Variants in SMYD3 observed in about 807,000 individuals in gnomAD.
SMYD3 encodes the protein histone-lysine N-methyltransferase SMYD3.
SMYD3 carries 36 observed loss-of-function variants against 57.7 expected under a neutral mutation model. The observed-to-expected ratio is 0.62, with a 90% CI of 0.48 to 0.82. The LOEUF is 0.82. Among genes scored for constraint, SMYD3 ranks in the 40% least tolerant of loss-of-function variants. The pLI, the probability that SMYD3 is intolerant of heterozygous loss-of-function variation, is 0.00. For synonymous variants in SMYD3, 211 were observed against 195.0 expected (o/e 1.08, Z -0.68); for missense variants, 515 against 538.8 (o/e 0.96, Z 0.44).
At chr1:246,478,431 A>G (rs1349766061) in intron 1 of SMYD3, among the ~76,000 whole-genome samples, 45 of 131,402 alleles carry the variant, frequency 3.4e-4, no homozygotes, top group Middle Eastern at 5.0e-3. Flanking sequence ...GAGCTGGTAC[A>G]TAAGTGCTCA....
chr1:246,260,166 A>C (rs2063978307), intron 5 of SMYD3, among the ~76,000 whole-genome samples: 1 of 152,180 alleles, frequency 6.6e-6, no homozygotes. Flanking sequence ...TTGTGCTCCA[A>C]ATGCCTGCAG....
chr1:246,268,908 A>G (rs2064163305), intron 5 of SMYD3, among the ~76,000 whole-genome samples: 2 of 152,144 alleles, frequency 1.3e-5, no homozygotes. Context: ...GGGTCCTGCA[A>G]CACTATCACT....
At chr1:246,487,154 T>C (rs1266695266) in intron 1 of SMYD3, among the ~76,000 whole-genome samples, 1 of 152,138 alleles carries the variant, frequency 6.6e-6, no homozygotes, top group African/African-American at 2.4e-5. Flanking sequence ...CTGGTTCAAA[T>C]AGTTGAAATA....
intron 5 of SMYD3, chr1:246,186,699 A>G (rs2062647279): frequency 1.0e-6 from 1 of 963,552 alleles, no homozygotes. Context: ...GGCACTGTCA[A>G]TGTCCACAGC....
At chr1:246,459,444 CCCCTTCA>C (rs989903934) in intron 1 of SMYD3, among the ~76,000 whole-genome samples, 3 of 151,970 alleles carry the variant, frequency 2.0e-5, no homozygotes, top group Admixed American at 2.0e-4. Context: ...GTGGCACGTC[CCCCTTCA>C]CTCTCTTGTT....
chr1:245,936,965 T>A lies in SMYD3; in HGVS notation c.532-7028A>T, dbSNP rs778857072. Among the ~76,000 whole-genome samples, 5 of 152,240 alleles carry A rather than the reference T, an allele frequency of 3.3e-5. No homozygotes were observed. In the South Asian group the frequency reaches 1.0e-3, roughly 31 times the overall value. On this transcript the variant is annotated intron_variant, in intron 5 of 11. Coordinates refer to ENST00000490107, the MANE Select transcript of SMYD3 (RefSeq NM_001167740.2). ...ACTAAAAATTTGTCTTTATATGCTA[T>A]GATTATTAAAGATTTTACAAATTCA...
At chr1:246,072,696 A>T (rs1049429932) in intron 5 of SMYD3, among the ~76,000 whole-genome samples, 3 of 152,128 alleles carry the variant, frequency 2.0e-5, no homozygotes, top group African/African-American at 7.2e-5. Context: ...CTCTGAATGG[A>T]GTAGGTGGAG....
chr1:246,235,442 T>G (rs1224937248), intron 5 of SMYD3, among the ~76,000 whole-genome samples: 3 of 152,156 alleles, frequency 2.0e-5, no homozygotes, highest in African/African-American at 7.2e-5. Flanking sequence ...ACTCTCAAAT[T>G]ACTTATAATC....
intron 5 of SMYD3, among the ~76,000 whole-genome samples, chr1:245,961,131 T>C (rs1254731365): frequency 6.6e-6 from 1 of 152,050 alleles, no homozygotes; most frequent in African/African-American, 2.4e-5. Context: ...ACAATCAGAG[T>C]AGAGATGGTG....
At chr1:246,354,927 TA>T in intron 2 of SMYD3, 103 bp downstream of exon 2, 1 of 988,876 alleles carries the variant, frequency 1.0e-6, no homozygotes, top group Non-Finnish European at 1.6e-6. Context: ...AAAAGTAAAT[TA>T]AAGGCTGTAA....
intron 5 of SMYD3, among the ~76,000 whole-genome samples, chr1:246,291,561 A>C (rs1438559363): frequency 6.6e-6 from 1 of 152,242 alleles, no homozygotes; most frequent in Non-Finnish European, 1.5e-5. Flanking sequence ...CAGGAAAGGA[A>C]GTGATTTGCC....
chr1:246,062,316 C>T (rs1239417598), intron 5 of SMYD3, among the ~76,000 whole-genome samples: 3 of 152,128 alleles, frequency 2.0e-5, no homozygotes, highest in African/African-American at 4.8e-5. Flanking sequence ...AATGACTTGG[C>T]CTTTCTGCGA....
At chr1:246,478,237 T>G (rs914773390) in intron 1 of SMYD3, among the ~76,000 whole-genome samples, 3 of 152,266 alleles carry the variant, frequency 2.0e-5, no homozygotes, top group African/African-American at 7.2e-5. Flanking sequence ...GATAGGAGAT[T>G]TCACTGCATC....
At chr1:246,220,588 G>A (rs1025196134) in intron 5 of SMYD3, among the ~76,000 whole-genome samples, 1 of 152,182 alleles carries the variant, frequency 6.6e-6, no homozygotes, top group Non-Finnish European at 1.5e-5. Context: ...TCCGACCTGG[G>A]AGCAAAGTCA....
chr1:245,908,174 C>T (rs2054711264), intron 8 of SMYD3, among the ~76,000 whole-genome samples: 1 of 151,642 alleles, frequency 6.6e-6, no homozygotes, highest in East Asian at 1.9e-4. Flanking sequence ...ATACTCCACG[C>T]AAACAGAAGC....
chr1:246,336,854 C>T (rs934045794), intron 2 of SMYD3, among the ~76,000 whole-genome samples: 1 of 152,082 alleles, frequency 6.6e-6, no homozygotes, highest in African/African-American at 2.4e-5. Flanking sequence ...AGTATTTGTA[C>T]GTCACATTTA....
chr1:245,775,214 G>A (rs1439304514), intron 10 of SMYD3, among the ~76,000 whole-genome samples: 1 of 152,234 alleles, frequency 6.6e-6, no homozygotes, highest in Non-Finnish European at 1.5e-5. Context: ...TGTCCGGGAG[G>A]TGTACGCAGC....
At chr1:245,808,046 C>T (rs555683403) in intron 10 of SMYD3, among the ~76,000 whole-genome samples, 25 of 152,188 alleles carry the variant, frequency 1.6e-4, no homozygotes, top group Middle Eastern at 3.4e-3. Context: ...ATGTAAAGGG[C>T]GATTCAAATT....
chr1:246,399,876 G>C (rs2066739236), intron 1 of SMYD3, among the ~76,000 whole-genome samples: 1 of 152,104 alleles, frequency 6.6e-6, no homozygotes, highest in South Asian at 2.1e-4. Context: ...TTCAAGCATA[G>C]AAATTGAGTC....
Sources: gnomAD v4.1 joint callset for allele counts (sites outside exome capture counted in the v4.1 genomes callset) on GRCh38, gnomAD v4.1.1 for gene constraint, MANE v1.5 for transcripts, NCBI Gene and HGNC (gene_info 2026-07-23, HGNC 2026-07-21) for gene names.